Variants in RGS7 observed in about 807,000 individuals in gnomAD.
RGS7 encodes the protein regulator of G-protein signaling 7.
In RGS7, 27 loss-of-function variants were observed where a neutral mutation model predicts 81.1. The ratio of observed to expected loss-of-function variants is 0.33; its 90% CI spans 0.25 to 0.46. RGS7 has a LOEUF of 0.46. Ranked by LOEUF, RGS7 falls within the 20% of genes least tolerant of loss-of-function variation. The probability of loss-of-function intolerance (pLI) is 1.00; values close to 1 mark genes in which losing one functional copy is unlikely to be tolerated. For synonymous variants in RGS7, 208 were observed against 207.7 expected, an observed-to-expected ratio of 1.00 and a Z score of -0.01; for missense variants, 396 against 607.4, an observed-to-expected ratio of 0.65 and a Z score of 3.66.
chr1:240,829,708 G>C (rs1402646642), intron 9 of RGS7, among the ~76,000 whole-genome samples: 1 of 152,050 alleles, frequency 6.6e-6, no homozygotes, highest in Non-Finnish European at 1.5e-5. Flanking sequence ...GAGGTGGGAG[G>C]ATCACTTGCT....
chr1:241,019,360 AT>A (rs906030070), intron 3 of RGS7, among the ~76,000 whole-genome samples: 11 of 151,844 alleles, frequency 7.2e-5, no homozygotes, highest in African/African-American at 2.4e-4. Context: ...TTATTTATTT[AT>A]TTTTTTAAAT....
intron 18 of RGS7, among the ~76,000 whole-genome samples, chr1:240,799,564 A>G (rs780336530): frequency 6.6e-6 from 1 of 152,096 alleles, no homozygotes; most frequent in Non-Finnish European, 1.5e-5. Context: ...ATCAAGCTCT[A>G]CCATGGATAT....
At chr1:241,261,596 T>G (rs1305444165) in intron 2 of RGS7, among the ~76,000 whole-genome samples, 6 of 138,942 alleles carry the variant, frequency 4.3e-5, no homozygotes. Flanking sequence ...GCCATTGCAC[T>G]CCAGCCTGGG....
At chr1:241,244,463 C>A (rs2076420930) in intron 2 of RGS7, among the ~76,000 whole-genome samples, 3 of 152,092 alleles carry the variant, frequency 2.0e-5, no homozygotes, top group Admixed American at 6.5e-5. Context: ...ACAACAGGTG[C>A]TGGAGAGGAT....
At chr1:241,183,762 G>C (rs1167281948) in intron 2 of RGS7, among the ~76,000 whole-genome samples, 1 of 152,200 alleles carries the variant, frequency 6.6e-6, no homozygotes, top group African/African-American at 2.4e-5. Flanking sequence ...TAAAACAGTG[G>C]AATGCACTGT....
intron 6 of RGS7, among the ~76,000 whole-genome samples, chr1:240,922,400 T>G (rs928618053): frequency 6.6e-6 from 1 of 152,060 alleles, no homozygotes; most frequent in African/African-American, 2.4e-5. Flanking sequence ...AAAACTTTGA[T>G]TCTTTTAAAT....
intron 2 of RGS7, among the ~76,000 whole-genome samples, chr1:241,342,328 C>G (rs1243338686): frequency 1.3e-5 from 2 of 152,060 alleles, no homozygotes; most frequent in African/African-American, 2.4e-5. Context: ...AATATTACCC[C>G]CAGGCAGAGA....
rs140698248 is a variant in RGS7, at chr1:241,193,090, T to A, written c.79-94328A>T. On this transcript the variant is annotated intron_variant, in intron 2 of 18. Transcript: ENST00000440928. ...CTCTAGGATAGGATTTAAAATGTCA[T>A]TTAAATATAACACAAATGTTTGTAT... is the stretch of plus-strand genomic sequence containing the variant. Among the ~76,000 whole-genome samples, 670 of 152,310 alleles carry A rather than the reference T, an allele frequency of 4.4e-3. 3 individuals are homozygous for A. The highest frequency in any genetic ancestry group is 0.01 in the Middle Eastern group (3 of 294).
intron 2 of RGS7, among the ~76,000 whole-genome samples, chr1:241,325,807 G>A (rs574242115): frequency 1.3e-5 from 2 of 152,276 alleles, no homozygotes; most frequent in South Asian, 4.2e-4. Context: ...GAGGGGAAGG[G>A]AGGAGGAAGA....
intron 2 of RGS7, among the ~76,000 whole-genome samples, chr1:241,285,982 A>G (rs932918967): frequency 2.0e-5 from 3 of 152,240 alleles, no homozygotes; most frequent in Admixed American, 6.5e-5. Flanking sequence ...AATAACCTCA[A>G]AATGAGAGCC....
intron 3 of RGS7, among the ~76,000 whole-genome samples, chr1:240,994,574 T>A (rs1686988506): frequency 6.6e-6 from 1 of 152,120 alleles, no homozygotes; most frequent in Non-Finnish European, 1.5e-5. Context: ...TTTGCAGATA[T>A]TTTGGGATTT....
intron 2 of RGS7, among the ~76,000 whole-genome samples, chr1:241,290,182 C>A (rs10802947): frequency 6.6e-6 from 1 of 151,884 alleles, no homozygotes; most frequent in South Asian, 2.1e-4. Flanking sequence ...TTAGGGAGTA[C>A]ATATTTAATA....
chr1:240,839,797 G>C (rs1374891474), intron 9 of RGS7, among the ~76,000 whole-genome samples: 1 of 152,226 alleles, frequency 6.6e-6, no homozygotes, highest in African/African-American at 2.4e-5. Context: ...AAAGGATAAA[G>C]TGTCCAAGCC....
intron 6 of RGS7, among the ~76,000 whole-genome samples, chr1:240,878,761 G>A (rs1665899079): frequency 6.6e-6 from 1 of 151,948 alleles, no homozygotes; most frequent in South Asian, 2.1e-4. Context: ...TACATGGTCT[G>A]CAATCTGCTT....
At chr1:241,218,815 T>A (rs1326598824) in intron 2 of RGS7, among the ~76,000 whole-genome samples, 1 of 152,036 alleles carries the variant, frequency 6.6e-6, no homozygotes, top group Non-Finnish European at 1.5e-5. Flanking sequence ...TGGCTAATTT[T>A]TTTTTTGTAT....
intron 3 of RGS7, among the ~76,000 whole-genome samples, chr1:241,039,896 A>C (rs1457508170): frequency 4.0e-5 from 6 of 151,842 alleles, no homozygotes; most frequent in African/African-American, 9.7e-5. Context: ...TCAATAAATA[A>C]ACCTGTGTTA....
At chr1:240,999,551 ATT>A (rs1319241171) in intron 3 of RGS7, among the ~76,000 whole-genome samples, 2 of 152,020 alleles carry the variant, frequency 1.3e-5, no homozygotes, top group Non-Finnish European at 2.9e-5. Flanking sequence ...TGATATATAT[ATT>A]TTTTCCATTT....
chr1:240,870,294 T>C (rs943595012), intron 6 of RGS7, among the ~76,000 whole-genome samples, 175 bp from the exon 7 acceptor site: 1 of 152,170 alleles, frequency 6.6e-6, no homozygotes, highest in African/African-American at 2.4e-5. Context: ...TCAAGCATCA[T>C]AGTATTTATG....
chr1:240,817,181 T>C (rs1340440191), intron 10 of RGS7, among the ~76,000 whole-genome samples: 1 of 152,254 alleles, frequency 6.6e-6, no homozygotes, highest in Non-Finnish European at 1.5e-5. Flanking sequence ...TAACTGACTA[T>C]GAGACATCTC....
Sources: gnomAD v4.1 joint callset for allele counts (sites outside exome capture counted in the v4.1 genomes callset) on GRCh38, gnomAD v4.1.1 for gene constraint, MANE v1.5 for transcripts, NCBI Gene and HGNC (gene_info 2026-07-23, HGNC 2026-07-21) for gene names.